The following CNTNAP2 variants were observed in gnomAD, a reference collection of about 807,000 sequenced individuals.
The protein encoded by CNTNAP2 is contactin-associated protein-like 2.
Under a neutral mutation model 155.2 loss-of-function variants are expected in CNTNAP2, and 98 were observed. The observed-to-expected ratio is 0.63, with a 90% confidence interval of 0.54 to 0.75. The LOEUF (loss-of-function observed/expected upper bound fraction) is 0.75, where lower values mean the gene tolerates loss of function less well. Ranked by LOEUF, CNTNAP2 falls within the 30% of genes least tolerant of loss-of-function variation. The probability of loss-of-function intolerance (pLI) is 0.00; values close to 1 mark genes in which losing one functional copy is unlikely to be tolerated. For missense variants in CNTNAP2, 1,727 were observed against 1,688.1 expected (o/e 1.02, Z -0.40); for synonymous variants, 651 against 631.2 (o/e 1.03, Z -0.47).
At chr7:147,294,659 ATTTTT>A (rs554740767) in intron 8 of CNTNAP2, among the ~76,000 whole-genome samples, 1 of 147,304 alleles carries the variant, frequency 6.8e-6, no homozygotes, top group Admixed American at 6.8e-5. Context: ...TCCAAAGACA[ATTTTT>A]TTTTTTGTTT....
chr7:147,438,154 T>C (rs1281065794), intron 10 of CNTNAP2, among the ~76,000 whole-genome samples: 1 of 152,074 alleles, frequency 6.6e-6, no homozygotes, highest in Non-Finnish European at 1.5e-5. Flanking sequence ...CTACATTAAA[T>C]AATAGTGGTG....
chr7:146,873,132 G>A (rs927996948), intron 3 of CNTNAP2, among the ~76,000 whole-genome samples: 3 of 152,108 alleles, frequency 2.0e-5, no homozygotes, highest in African/African-American at 7.2e-5. Flanking sequence ...AATGCATTGG[G>A]TGGATTTAGA....
intron 13 of CNTNAP2, among the ~76,000 whole-genome samples, chr7:147,839,132 C>A (rs1400938891): frequency 6.6e-6 from 1 of 152,168 alleles, no homozygotes; most frequent in Non-Finnish European, 1.5e-5. Context: ...CCAGTCTAGT[C>A]TTTCCACGTT....
intron 1 of CNTNAP2, among the ~76,000 whole-genome samples, chr7:146,713,300 T>C (rs1439202497): frequency 6.6e-6 from 1 of 152,134 alleles, no homozygotes. Flanking sequence ...CAATCACTGC[T>C]TCCTGACAGC....
At chr7:147,522,186 C>T (rs966032604) in intron 11 of CNTNAP2, among the ~76,000 whole-genome samples, 1 of 152,186 alleles carries the variant, frequency 6.6e-6, no homozygotes, top group Non-Finnish European at 1.5e-5. Flanking sequence ...GCCTAATCAC[C>T]TCCCACAGTT....
At chr7:146,704,351 T>A (rs961737001) in intron 1 of CNTNAP2, among the ~76,000 whole-genome samples, 1 of 152,080 alleles carries the variant, frequency 6.6e-6, no homozygotes, top group African/African-American at 2.4e-5. Context: ...AGAGAAAGTT[T>A]TAGTTAGTAT....
chr7:148,383,809 C>T lies in CNTNAP2; in HGVS notation c.3636C>T (p.Ser1212=), dbSNP rs761619308. The change falls in exon 22 of 24, where the codon TCC becomes TCT. Residue 1212 remains serine, a synonymous_variant. Coordinates refer to ENST00000361727, the MANE Select transcript of CNTNAP2 (RefSeq NM_014141.6). ...HVHIQGELVE[S]NCGASPLTLS... ...ACATCCAGGGCGAGCTGGTGGAGTC[C>T]AACTGCGGGGCCTCGCCGCTGACCC... 6.2e-7 allele frequency: 1 copy of T among 1,614,180 alleles called. No individual in the cohort carries two copies. The highest frequency in any genetic ancestry group is 1.1e-5 in the South Asian group (1 of 91,086).
chr7:146,561,042 A>G (rs1298325363), intron 1 of CNTNAP2, among the ~76,000 whole-genome samples: 2 of 152,242 alleles, frequency 1.3e-5, no homozygotes, highest in Non-Finnish European at 2.9e-5. Flanking sequence ...ATAAACACAC[A>G]ATCACAAACA....
intron 12 of CNTNAP2, among the ~76,000 whole-genome samples, chr7:147,573,725 A>G (rs927597748): frequency 6.6e-6 from 1 of 152,196 alleles, no homozygotes; most frequent in Admixed American, 6.5e-5. Flanking sequence ...TGCTCTCTAT[A>G]TCTGGGGTAT....
At chr7:147,365,046 A>G (rs146027263) in intron 9 of CNTNAP2, among the ~76,000 whole-genome samples, 273 of 152,226 alleles carry the variant, frequency 1.8e-3, no homozygotes, top group African/African-American at 6.2e-3. Context: ...GCTAGTGTGA[A>G]TTTGGGATAT....
At chr7:146,549,130 T>A (rs986561436) in intron 1 of CNTNAP2, among the ~76,000 whole-genome samples, 3 of 151,846 alleles carry the variant, frequency 2.0e-5, no homozygotes, top group Non-Finnish European at 4.4e-5. Flanking sequence ...TTTACCCAAT[T>A]TCCTATCTTT....
intron 12 of CNTNAP2, among the ~76,000 whole-genome samples, chr7:147,593,427 G>T (rs75236014): frequency 6.6e-6 from 1 of 151,550 alleles, no homozygotes; most frequent in African/African-American, 2.4e-5. Flanking sequence ...AAGTGACATG[G>T]CTCTGTTATT....
intron 1 of CNTNAP2, among the ~76,000 whole-genome samples, chr7:146,353,388 C>T (rs1278103412): frequency 6.6e-6 from 1 of 152,136 alleles, no homozygotes; most frequent in African/African-American, 2.4e-5. Context: ...TCACTCTTTT[C>T]CCAGTGTTCT....
At chr7:146,174,845 C>A (rs1314436373) in intron 1 of CNTNAP2, among the ~76,000 whole-genome samples, 1 of 151,970 alleles carries the variant, frequency 6.6e-6, no homozygotes, top group Non-Finnish European at 1.5e-5. Context: ...TCATCTCAAA[C>A]AAACAAACAA....
chr7:146,548,443 C>T (rs1174885546), intron 1 of CNTNAP2, among the ~76,000 whole-genome samples: 2 of 151,928 alleles, frequency 1.3e-5, no homozygotes, highest in Non-Finnish European at 2.9e-5. Context: ...TTTGACTCAA[C>T]AATCCCATTA....
At chr7:146,355,843 CT>C (rs1444841363) in intron 1 of CNTNAP2, among the ~76,000 whole-genome samples, 1 of 151,998 alleles carries the variant, frequency 6.6e-6, no homozygotes, top group African/African-American at 2.4e-5. Flanking sequence ...ACTTTTCATA[CT>C]TTTTTTCCAT....
At chr7:146,604,642 T>C (rs1437210651) in intron 1 of CNTNAP2, among the ~76,000 whole-genome samples, 2 of 127,636 alleles carry the variant, frequency 1.6e-5, no homozygotes, top group Admixed American at 1.6e-4. Flanking sequence ...TATTGTGGCA[T>C]TATTCACAAT....
chr7:147,251,169 AG>A (rs1237648062), intron 8 of CNTNAP2, among the ~76,000 whole-genome samples: 1 of 152,194 alleles, frequency 6.6e-6, no homozygotes, highest in African/African-American at 2.4e-5. Flanking sequence ...GCCATAAAAA[AG>A]AGCAGGATTT....
At chr7:146,535,352 G>A (rs57832893) in intron 1 of CNTNAP2, among the ~76,000 whole-genome samples, 1 of 47,706 alleles carries the variant, frequency 2.1e-5, no homozygotes, top group Non-Finnish European at 3.2e-5. Context: ...TATTATATAT[G>A]ATATTATATA....
Sources: gnomAD v4.1 joint callset for allele counts (sites outside exome capture counted in the v4.1 genomes callset) on GRCh38, gnomAD v4.1.1 for gene constraint, MANE v1.5 for transcripts, NCBI Gene and HGNC (gene_info 2026-07-23, HGNC 2026-07-21) for gene names.